The following ADGRF1 variants were observed in gnomAD, a reference collection of about 807,000 sequenced individuals.
ADGRF1 encodes G protein-coupled receptor 110.
Under a neutral mutation model 87.2 loss-of-function variants are expected in ADGRF1, and 85 were observed. That is an observed-to-expected ratio of 0.97 (90% confidence interval 0.82 to 1.17). ADGRF1 has a LOEUF of 1.17. ADGRF1 is among the 50% of genes most tolerant of loss of function. The pLI is 0.00. For missense variants in ADGRF1, 1,169 were observed against 1,077.2 expected (o/e 1.09, Z -1.19); for synonymous variants, 430 against 408.8 (o/e 1.05, Z -0.63).
rs111380157 is a variant in ADGRF1, at chr6:47,033,382, C to T, written c.-43-4278G>A. ...TTATATACTTACGGACTCCAAATAT[C>T]ATTTATTTATGCCAACAGCTGTCTC... is the stretch of plus-strand genomic sequence containing the variant. On this transcript the variant is annotated intron_variant, in intron 1 of 14. Transcript: ENST00000371253. 4.4e-3 allele frequency among the ~76,000 whole-genome samples: 675 copies of T among 152,332 alleles called. 5 individuals are homozygous for T. Among genetic ancestry groups the T allele is most frequent in the Middle Eastern group, 0.017 (5 of 294 alleles).
At chr6:47,016,483 G>C in intron 8 of ADGRF1, 134 bp downstream of exon 8, 2 of 927,814 alleles carry the variant, frequency 2.2e-6, no homozygotes, top group Non-Finnish European at 3.1e-6. Flanking sequence ...GGAAACAGCT[G>C]CCTGTTTGTG....
At chr6:47,038,344 T>G (rs1780649894) in intron 1 of ADGRF1, among the ~76,000 whole-genome samples, 1 of 152,250 alleles carries the variant, frequency 6.6e-6, no homozygotes, top group Non-Finnish European at 1.5e-5. Flanking sequence ...CAGATTTCCT[T>G]TCATTTCCTC....
In ADGRF1 at chr6:47,029,096, A is replaced by T; in HGVS notation, c.-35T>A. Reference sequence around the variant, plus strand: ...ACTGAACAGCAGCAGTCGGGTGCATAGTCTGTGACTAAACAAGCAGGGTAC... The same window carrying T: ...ACTGAACAGCAGCAGTCGGGTGCATTGTCTGTGACTAAACAAGCAGGGTAC... On this transcript the variant is annotated 5_prime_UTR_variant, in exon 2 of 15. Coordinates refer to ENST00000371253, the MANE Select transcript of ADGRF1 (RefSeq NM_153840.4). The T allele has an allele frequency of 6.4e-7, 1 of 1,556,216 alleles. No individual in the cohort carries two copies. The highest frequency in any genetic ancestry group is 1.1e-5 in the South Asian group (1 of 89,872).
At chr6:47,007,379 C>T in intron 11 of ADGRF1, 85 bp from the exon 12 acceptor site, 7 of 768,874 alleles carry the variant, frequency 9.1e-6, no homozygotes, top group African/African-American at 1.8e-5. Context: ...TATTCAATCA[C>T]CCCACATTGA....
intron 9 of ADGRF1, chr6:47,013,159 C>A: frequency 1.0e-6 from 1 of 985,402 alleles, no homozygotes; most frequent in Non-Finnish European, 1.2e-6. Flanking sequence ...GGAAGGCAGT[C>A]CCCTTCCACT....
chr6:47,035,009 T>C (rs539843545), intron 1 of ADGRF1, among the ~76,000 whole-genome samples: 2 of 152,350 alleles, frequency 1.3e-5, no homozygotes, highest in African/African-American at 4.8e-5. Flanking sequence ...AGAGCTTCAC[T>C]CAGGATGATT....
chr6:47,036,946 A>G (rs1237800636), intron 1 of ADGRF1, among the ~76,000 whole-genome samples: 1 of 152,174 alleles, frequency 6.6e-6, no homozygotes, highest in African/African-American at 2.4e-5. Flanking sequence ...CTTCCCTTCT[A>G]TTAAGCTTCC....
Position 46,998,121 on chromosome 6 carries a change from C to T in ADGRF1, c.*2101G>A, listed in dbSNP as rs2277117. 14,166 of 152,132 alleles carry T rather than the reference C, an allele frequency of 0.093. 1,008 individuals are homozygous for T. The highest frequency in any genetic ancestry group is 0.19 in the African/African-American group (7,681 of 41,474). 9.4% of individuals were successfully genotyped at this position (152,132 alleles called of 1,614,324 possible). On this transcript the variant is annotated 3_prime_UTR_variant, in exon 15 of 15. Transcript: ENST00000371253. ...CTCTCCTTCCACCCCACCTTGGACACGGAGGTTTCTGGCCTCCCTTTCCCC... is the reference window on the plus strand; with the variant it reads ...CTCTCCTTCCACCCCACCTTGGACATGGAGGTTTCTGGCCTCCCTTTCCCC...
Position 47,027,734 on chromosome 6 carries a change from C to CT in ADGRF1, c.96dup (p.Glu33ArgfsTer6), listed in dbSNP as rs771491120. 107 of 1,599,032 alleles carry CT rather than the reference C, an allele frequency of 6.7e-5. No homozygotes were observed. Among genetic ancestry groups the CT allele is most frequent in the Non-Finnish European group, 8.3e-5 (97 of 1,167,146 alleles). ...TGTTTTTTCTTATTCACAATGAGTT[C>CT]TTTTTTTGTTTTGATGCCATCATTT... On this transcript the variant is annotated frameshift_variant, in exon 3 of 15. Transcript: ENST00000371253. LOFTEE classifies it high-confidence loss of function.
At chr6:47,018,252 C>CATGAGATCAATACATTA (rs568184715) in intron 7 of ADGRF1, 853 of 564,304 alleles carry the variant, frequency 1.5e-3, no homozygotes, top group Middle Eastern at 5.2e-3. Flanking sequence ...CATGAAAGCA[C>CATGAGATCAATACATTA]ATGAGATCAA....
Position 47,016,652 on chromosome 6 carries a change from G to A in ADGRF1, c.728C>T (p.Pro243Leu). ...KAKTALHKLF[P>L]LEDGSFRVFG... ...CACTCTGAAAGAGCCGTCTTCTAAT[G>A]GAAACAGCTTGTGAAGGGCTGTCTT... Residue 243 changes from proline to leucine, a missense_variant, in exon 8 of 15, where the codon CCA becomes CTA. Physicochemically the swap from Pro to Leu is moderately conservative, Grantham distance 98 (BLOSUM62 -3). Transcript: ENST00000371253. 6.2e-7 allele frequency: 1 copy of A among 1,610,522 alleles called. No homozygotes were observed. Among genetic ancestry groups the A allele is most frequent in the Non-Finnish European group, 8.5e-7 (1 of 1,177,482 alleles).
In ADGRF1 at chr6:47,000,966, A is replaced by G. The variant is rs192102257; in HGVS notation, c.2659+535T>C. Among the ~76,000 whole-genome samples the G allele has an allele frequency of 1.2e-3, 181 of 152,374 alleles. 1 individual carries two copies. The highest frequency in any genetic ancestry group is 4.2e-3 in the African/African-American group (175 of 41,598). ...TGGTCTTGCAGTTGCTCAATAGCAC[A>G]GACTTTAGTAACCGCCAATCAATGA... On this transcript the variant is annotated intron_variant, in intron 14 of 14. Transcript: ENST00000371253.
intron 4 of ADGRF1, among the ~76,000 whole-genome samples, chr6:47,024,904 G>A (rs777782606): frequency 2.0e-5 from 3 of 152,216 alleles, no homozygotes; most frequent in African/African-American, 7.2e-5. Context: ...CAATGGAAGA[G>A]AGAAGCAGAA....
chr6:47,039,594 G>GT (rs1321588758), intron 1 of ADGRF1, among the ~76,000 whole-genome samples: 1 of 152,188 alleles, frequency 6.6e-6, no homozygotes, highest in African/African-American at 2.4e-5. Context: ...ATGGAAGAGT[G>GT]TATGTTTCAG....
At chr6:47,038,523 TATA>T (rs1183663798) in intron 1 of ADGRF1, among the ~76,000 whole-genome samples, 1 of 152,232 alleles carries the variant, frequency 6.6e-6, no homozygotes, top group African/African-American at 2.4e-5. Context: ...ATATATGTGA[TATA>T]CAGTGATCAG....
chr6:47,005,187 C>A (rs1351841424), intron 13 of ADGRF1, among the ~76,000 whole-genome samples: 1 of 152,132 alleles, frequency 6.6e-6, no homozygotes, highest in African/African-American at 2.4e-5. Flanking sequence ...AATATGTGTT[C>A]AAGCACTTTT....
In ADGRF1 at chr6:47,009,907, T is replaced by A. The variant is rs1307188678; in HGVS notation, c.1528A>T (p.Ile510Phe). The A allele has an allele frequency of 1.9e-6, 3 of 1,614,058 alleles. No individual in the cohort carries two copies. The highest frequency in any genetic ancestry group is 1.3e-5 in the African/African-American group (1 of 74,946). The change falls in exon 11 of 15, where the codon ATT (isoleucine) becomes TTT (phenylalanine). Residue 510 changes from isoleucine to phenylalanine, a missense_variant. Physicochemically the swap from Ile to Phe is conservative, Grantham distance 21. Coordinates refer to ENST00000371253, the MANE Select transcript of ADGRF1 (RefSeq NM_153840.4). The part of the protein sequence containing the change: ...QVNGPVISTV[I>F]QNYSINEVFL... ...ACTTCATTTATGGAATAGTTTTGAATAACCGTGGATATCACAGGTCCATTG... is the reference window on the plus strand; with the variant it reads ...ACTTCATTTATGGAATAGTTTTGAAAAACCGTGGATATCACAGGTCCATTG...
chr6:47,031,861 A>G (rs985638187), intron 1 of ADGRF1, among the ~76,000 whole-genome samples: 1 of 152,026 alleles, frequency 6.6e-6, no homozygotes, highest in Non-Finnish European at 1.5e-5. Flanking sequence ...CGAGTAGCTG[A>G]GACTACAGGC....
At chr6:47,007,912 C>T (rs1779578723) in intron 11 of ADGRF1, among the ~76,000 whole-genome samples, 2 of 152,196 alleles carry the variant, frequency 1.3e-5, no homozygotes, top group African/African-American at 4.8e-5. Flanking sequence ...TGATTGCCAT[C>T]CATACTAGCA....
Sources: allele counts gnomAD v4.1 joint callset (sites outside exome capture counted in the v4.1 genomes callset), GRCh38; gene constraint gnomAD v4.1.1; transcripts MANE v1.5; gene names NCBI Gene and HGNC (gene_info 2026-07-23, HGNC 2026-07-21).